The following RYR2 variants were observed in gnomAD, a reference collection of about 807,000 sequenced individuals.
The protein encoded by RYR2 is ryanodine receptor 2.
In RYR2, 227 loss-of-function variants were observed where a neutral mutation model predicts 601.1. The observed-to-expected ratio is 0.38, with a 90% CI of 0.34 to 0.42. RYR2 has a LOEUF of 0.42. RYR2 is among the 10% of genes least tolerant of loss of function. The pLI is 1.00. For missense variants in RYR2, 4,646 were observed against 6,156.5 expected (o/e 0.75, Z 8.21); for synonymous variants, 2,223 against 2,175.1 (o/e 1.02, Z -0.61).
At chr1:237,615,530 T>A (rs995318903) in intron 37 of RYR2, among the ~76,000 whole-genome samples, 3 of 152,126 alleles carry the variant, frequency 2.0e-5, no homozygotes, top group African/African-American at 7.2e-5. Context: ...ACACTGGCTG[T>A]CTTTATGCTC....
Position 237,617,331 on chromosome 1 carries a change from C to T in RYR2, c.5761C>T (p.Arg1921Trp), listed in dbSNP as rs760010432. The change falls in exon 38 of 105, where the codon CGG becomes TGG. Residue 1921 changes from arginine to tryptophan, a missense_variant. Physicochemically the swap from Arg to Trp is moderately radical, Grantham distance 101. Transcript: ENST00000366574. Reference sequence around the variant, plus strand: ...CCTCTGTGACTGCCAGGTCCGGCACCGGATAGAAGCCATTGTAGCCTTTTC... The same window carrying T: ...CCTCTGTGACTGCCAGGTCCGGCACTGGATAGAAGCCATTGTAGCCTTTTC... Reference protein sequence around the residue: ...QYLCDCQVRHRIEAIVAFSDD... With the variant: ...QYLCDCQVRHWIEAIVAFSDD... The T allele has an allele frequency of 2.0e-5, 32 of 1,613,566 alleles. No individual in the cohort carries two copies. Among genetic ancestry groups the T allele is most frequent in the South Asian group, 6.6e-5 (6 of 91,052 alleles).
intron 1 of RYR2, among the ~76,000 whole-genome samples, chr1:237,160,982 G>A (rs993410280): frequency 3.3e-5 from 5 of 152,072 alleles, no homozygotes; most frequent in African/African-American, 4.8e-5. Context: ...ACGGCCCACG[G>A]CAGTTGTTTT....
At chr1:237,451,871 GA>G (rs1340460084) in intron 14 of RYR2, among the ~76,000 whole-genome samples, 2 of 151,436 alleles carry the variant, frequency 1.3e-5, no homozygotes, top group African/African-American at 4.9e-5. Context: ...CTTTTGGAAA[GA>G]AAGTCAAGAT....
At chr1:237,812,655 T>G (rs1661371136) in intron 100 of RYR2, among the ~76,000 whole-genome samples, 1 of 152,166 alleles carries the variant, frequency 6.6e-6, no homozygotes, top group South Asian at 2.1e-4. Flanking sequence ...CCTTAATACT[T>G]GAGATCCATT....
chr1:237,739,923 A>T (rs1247312178), intron 79 of RYR2, among the ~76,000 whole-genome samples: 1 of 152,156 alleles, frequency 6.6e-6, no homozygotes, highest in Non-Finnish European at 1.5e-5. Flanking sequence ...TCTGTTGTGG[A>T]TACCTGAATG....
chr1:237,627,711 A>C, intron 40 of RYR2, 96 bp from the exon 41 acceptor site: 1 of 1,282,554 alleles, frequency 7.8e-7, no homozygotes, highest in Non-Finnish European at 1.0e-6. Context: ...ACAAATAGAA[A>C]TACCAATTTG....
chr1:237,148,170 T>C (rs1320076287), intron 1 of RYR2, among the ~76,000 whole-genome samples: 3 of 152,168 alleles, frequency 2.0e-5, no homozygotes, highest in Non-Finnish European at 4.4e-5. Flanking sequence ...GATGGTAGGA[T>C]AAACAAGATA....
intron 1 of RYR2, among the ~76,000 whole-genome samples, chr1:237,171,417 C>T (rs187469117): frequency 6.6e-6 from 1 of 152,240 alleles, no homozygotes. Flanking sequence ...CTAGAACTCA[C>T]TAAGCCTGTC....
chr1:237,408,659 C>T (rs1019578892), intron 10 of RYR2, among the ~76,000 whole-genome samples: 2 of 151,958 alleles, frequency 1.3e-5, no homozygotes, highest in Non-Finnish European at 2.9e-5. Context: ...GTTGGCTCTT[C>T]TATGTCTTTC....
At position 237,732,133 on chromosome 1, in the gene RYR2, G is replaced by C; in HGVS notation, c.11023G>C (p.Ala3675Pro). Residue 3675 changes from alanine to proline, a missense_variant, in exon 78 of 105, where the codon GCT becomes CCT. Ala to Pro is a conservative substitution (Grantham distance 27, BLOSUM62 -1). This residue lies in a region of RYR2 where 1,497 missense variants were observed against 1,842.6 expected (regional missense o/e 0.81). Coordinates refer to ENST00000366574, the MANE Select transcript of RYR2 (RefSeq NM_001035.3). Reference sequence around the variant, plus strand: ...GCTGATCCTTCTGTTTAGTCGGACAGCTTTAACAGAGAAATGGTATGGTTG... The same window carrying C: ...GCTGATCCTTCTGTTTAGTCGGACACCTTTAACAGAGAAATGGTATGGTTG... Reference protein sequence around the residue: ...HQLILLFSRTALTEKCKLEED... With the variant: ...HQLILLFSRTPLTEKCKLEED... 1 of 1,607,638 alleles carries C rather than the reference G, an allele frequency of 6.2e-7. No individual in the cohort carries two copies.
At position 237,755,029 on chromosome 1, in the gene RYR2, A is replaced by G. The variant is rs755730758; in HGVS notation, c.11146-1259A>G. Reference sequence around the variant, plus strand: ...ACAGGAGCGCTAACTATAGTGTGACAAAAAAAACCCTGATCAATTTTGTTT... The same window carrying G: ...ACAGGAGCGCTAACTATAGTGTGACGAAAAAAACCCTGATCAATTTTGTTT... On this transcript the variant is annotated intron_variant, in intron 80 of 104. Transcript: ENST00000366574. 17 of 1,247,244 alleles carry G rather than the reference A, an allele frequency of 1.4e-5. No individual in the cohort carries two copies. In the South Asian group the frequency reaches 2.2e-4, roughly 16 times the overall value. The allele number at this position is 1,247,244 out of a possible 1,614,324, so 77.3% of individuals were successfully genotyped here. A position where few individuals can be genotyped will look rare whatever the true frequency, so the allele number is the denominator to read the frequency against.
intron 21 of RYR2, 130 bp from the exon 22 acceptor site, chr1:237,503,159 G>A (rs966768673): frequency 1.4e-6 from 1 of 717,436 alleles, no homozygotes; most frequent in African/African-American, 1.8e-5. Flanking sequence ...ACATTATGAT[G>A]GTACGTAGGG....
chr1:237,256,252 C>T (rs1331295934), intron 1 of RYR2, among the ~76,000 whole-genome samples: 2 of 152,130 alleles, frequency 1.3e-5, no homozygotes, highest in African/African-American at 2.4e-5. Flanking sequence ...TCGCCTTCTG[C>T]CATGATTGGG....
intron 2 of RYR2, among the ~76,000 whole-genome samples, chr1:237,319,736 A>C (rs1284922611): frequency 6.6e-6 from 1 of 152,194 alleles, no homozygotes; most frequent in Non-Finnish European, 1.5e-5. Flanking sequence ...TAAGAAGTTC[A>C]GGTCATTTTC....
chr1:237,685,894 T>C (rs1686346902), intron 62 of RYR2, among the ~76,000 whole-genome samples: 1 of 152,198 alleles, frequency 6.6e-6, no homozygotes, highest in African/African-American at 2.4e-5. Context: ...ACTCAGACAT[T>C]TGTAGATGAA....
In RYR2 at chr1:237,660,900, A is replaced by G. The variant is rs1159546004; in HGVS notation, c.8389A>G (p.Ser2797Gly). ...AATTGAAAGAACTCGGGAGGGAGAC[A>G]GCATGGCCCTTTACAACCGGACTCG... ...WRIERTREGD[S>G]MALYNRTRRI... The change falls in exon 56 of 105, where the codon AGC becomes GGC. Residue 2797 changes from serine (S) to glycine (G), a missense_variant. Coordinates refer to ENST00000366574, the MANE Select transcript of RYR2 (RefSeq NM_001035.3). 6.6e-7 allele frequency: 1 copy of G among 1,522,616 alleles called. No homozygotes were observed. 94.3% of individuals were successfully genotyped at this position (1,522,616 alleles called of 1,614,324 possible).
intron 1 of RYR2, among the ~76,000 whole-genome samples, chr1:237,245,002 G>GC (rs1467814158): frequency 6.6e-6 from 1 of 152,116 alleles, no homozygotes; most frequent in African/African-American, 2.4e-5. Flanking sequence ...GAGGCCAAGA[G>GC]TTCCAGACCA....
chr1:237,649,249 G>A (rs1682475705), intron 49 of RYR2, among the ~76,000 whole-genome samples: 1 of 152,174 alleles, frequency 6.6e-6, no homozygotes, highest in African/African-American at 2.4e-5. Context: ...TCAATTAAAT[G>A]TGCTTTTTTG....
intron 84 of RYR2, among the ~76,000 whole-genome samples, chr1:237,762,147 T>C (rs1693480104): frequency 6.6e-6 from 1 of 152,222 alleles, no homozygotes; most frequent in Non-Finnish European, 1.5e-5. Flanking sequence ...AAATAAGTCA[T>C]ATGGTTACTA....
Sources: allele counts gnomAD v4.1 joint callset (sites outside exome capture counted in the v4.1 genomes callset), GRCh38; gene constraint gnomAD v4.1.1; regional missense constraint gnomAD v4.1.1; transcripts MANE v1.5; gene names NCBI Gene and HGNC (gene_info 2026-07-23, HGNC 2026-07-21).